The following RIMS2 variants were observed in gnomAD, a reference collection of about 807,000 sequenced individuals.
The protein encoded by RIMS2 is regulating synaptic membrane exocytosis protein 2.
Under a neutral mutation model 174.4 loss-of-function variants are expected in RIMS2, and 59 were observed. The observed-to-expected ratio is 0.34, with a 90% confidence interval of 0.27 to 0.42. The LOEUF is 0.42. Among genes scored for constraint, RIMS2 ranks in the 10% least tolerant of loss-of-function variants. The pLI is 1.00. For missense variants in RIMS2, 1,620 were observed against 1,666.3 expected (o/e 0.97, Z 0.48); for synonymous variants, 606 against 572.5 (o/e 1.06, Z -0.84).
intron 2 of RIMS2, among the ~76,000 whole-genome samples, chr8:103,765,060 T>C (rs1169242296): frequency 6.6e-6 from 1 of 152,158 alleles, no homozygotes; most frequent in African/African-American, 2.4e-5. Flanking sequence ...CAGTTGAAAA[T>C]GCCATGTTGA....
At chr8:103,643,975 GA>G (rs1191795446) in intron 1 of RIMS2, among the ~76,000 whole-genome samples, 1 of 152,018 alleles carries the variant, frequency 6.6e-6, no homozygotes, top group Admixed American at 6.6e-5. Flanking sequence ...TCCCTTGAGA[GA>G]AGACCTTGTT....
intron 2 of RIMS2, among the ~76,000 whole-genome samples, chr8:103,705,991 A>G (rs144415596): frequency 1.5e-4 from 22 of 150,740 alleles, no homozygotes; most frequent in Non-Finnish European, 2.5e-4. Flanking sequence ...CTTCTTTCCT[A>G]CTGTCTTCTT....
At chr8:104,023,907 G>T (rs1020937192) in intron 19 of RIMS2, among the ~76,000 whole-genome samples, 1 of 152,162 alleles carries the variant, frequency 6.6e-6, no homozygotes, top group Non-Finnish European at 1.5e-5. Context: ...AGAGGGACAA[G>T]TTAAGAAATT....
intron 10 of RIMS2, among the ~76,000 whole-genome samples, chr8:103,924,097 T>C (rs1688413970): frequency 6.6e-6 from 1 of 151,682 alleles, no homozygotes; most frequent in Admixed American, 6.6e-5. Flanking sequence ...TGAATATAAA[T>C]CTGGAATATT....
intron 3 of RIMS2, among the ~76,000 whole-genome samples, chr8:103,789,699 T>G (rs2098478062): frequency 6.6e-6 from 1 of 151,958 alleles, no homozygotes; most frequent in African/African-American, 2.4e-5. Context: ...GCTTATATTA[T>G]TCTTTTTACC....
chr8:103,988,338 A>AT (rs2094488803), intron 16 of RIMS2, among the ~76,000 whole-genome samples: 1 of 152,242 alleles, frequency 6.6e-6, no homozygotes, highest in African/African-American at 2.4e-5. Flanking sequence ...AATGGAATAA[A>AT]TTAAAAACTG....
intron 19 of RIMS2, among the ~76,000 whole-genome samples, chr8:104,204,907 T>C (rs953733073): frequency 6.6e-6 from 1 of 152,190 alleles, no homozygotes; most frequent in African/African-American, 2.4e-5. Context: ...CTCTGAAAGA[T>C]GAATAGACTC....
intron 6 of RIMS2, 103 bp from the exon 10 acceptor site, chr8:103,915,392 C>T (rs530192064): frequency 1.7e-5 from 9 of 537,830 alleles, no homozygotes; most frequent in East Asian, 3.0e-5. Flanking sequence ...ATTAAATTAG[C>T]GTTTTAGGTG....
At chr8:103,935,103 C>T (rs1026020504) in intron 12 of RIMS2, among the ~76,000 whole-genome samples, 2 of 152,082 alleles carry the variant, frequency 1.3e-5, no homozygotes, top group East Asian at 1.9e-4. Context: ...ATTCATTCTT[C>T]GTCAATGATA....
chr8:103,522,382 T>G (rs1563628183), intron 1 of RIMS2, among the ~76,000 whole-genome samples: 1 of 152,106 alleles, frequency 6.6e-6, no homozygotes, highest in African/African-American at 2.4e-5. Context: ...TATAGCTCCT[T>G]TAAAATAGCC....
intron 3 of RIMS2, among the ~76,000 whole-genome samples, chr8:103,775,171 C>T (rs2098299376): frequency 1.3e-5 from 2 of 152,022 alleles, no homozygotes; most frequent in Non-Finnish European, 1.5e-5. Context: ...TAAGGACTAT[C>T]TAGGTAGTCT....
chr8:103,819,693 G>T (rs1383481468), intron 3 of RIMS2: 2 of 1,334,344 alleles, frequency 1.5e-6, no homozygotes, highest in Non-Finnish European at 2.1e-6. Context: ...TTATATGCCA[G>T]TAAAAATTGT....
intron 2 of RIMS2, among the ~76,000 whole-genome samples, chr8:103,747,267 A>G (rs2097833351): frequency 9.7e-6 from 1 of 102,896 alleles, no homozygotes; most frequent in African/African-American, 4.0e-5. Flanking sequence ...AACAGTCCCC[A>G]GAGTGTGATG....
chr8:103,942,502 G>T (rs2082764993), intron 13 of RIMS2, among the ~76,000 whole-genome samples: 1 of 152,054 alleles, frequency 6.6e-6, no homozygotes. Context: ...TGTTATTTTT[G>T]TAATGGTAAA....
intron 3 of RIMS2, among the ~76,000 whole-genome samples, chr8:103,862,356 C>T (rs1266110033): frequency 1.3e-5 from 2 of 151,884 alleles, no homozygotes; most frequent in African/African-American, 4.8e-5. Flanking sequence ...TATATTAATT[C>T]CCTGCTCTTT....
At chr8:103,786,766 T>C (rs76557309) in intron 3 of RIMS2, among the ~76,000 whole-genome samples, 1 of 152,042 alleles carries the variant, frequency 6.6e-6, no homozygotes, top group East Asian at 1.9e-4. Flanking sequence ...GGGTGGAGAG[T>C]TCTGTAGATG....
chr8:103,988,828 C>T (rs1172039420), intron 16 of RIMS2, among the ~76,000 whole-genome samples: 4 of 152,186 alleles, frequency 2.6e-5, no homozygotes, highest in African/African-American at 7.2e-5. Flanking sequence ...AGGGAGATGG[C>T]GCAAAGTGTG....
At chr8:103,986,081 G>A (rs989323671) in intron 16 of RIMS2, among the ~76,000 whole-genome samples, 2 of 152,126 alleles carry the variant, frequency 1.3e-5, no homozygotes, top group Non-Finnish European at 2.9e-5. Context: ...TGAGAGGGTA[G>A]ATTTAAAGTG....
chr8:103,941,982 A>G (rs987484820), intron 13 of RIMS2, among the ~76,000 whole-genome samples: 2 of 152,210 alleles, frequency 1.3e-5, no homozygotes, highest in African/African-American at 4.8e-5. Context: ...AGGCACTTCA[A>G]TTGTAAGAGT....
Sources: allele counts gnomAD v4.1 joint callset (sites outside exome capture counted in the v4.1 genomes callset), GRCh38; gene constraint gnomAD v4.1.1; transcripts MANE v1.5; gene names NCBI Gene and HGNC (gene_info 2026-07-23, HGNC 2026-07-21).